Variants in GRIP1 observed in about 807,000 individuals in gnomAD.
GRIP1 encodes glutamate receptor-interacting protein 1.
In GRIP1, 45 loss-of-function variants were observed where a neutral mutation model predicts 129.9. That is an observed-to-expected ratio of 0.35 (90% CI 0.27 to 0.44). The LOEUF (loss-of-function observed/expected upper bound fraction) is 0.44. Ranked by LOEUF, GRIP1 falls within the 20% of genes least tolerant of loss-of-function variation. GRIP1 has a pLI of 1.00. For missense variants in GRIP1, 1,196 were observed against 1,396.8 expected (o/e 0.86, Z 2.29); for synonymous variants, 530 against 520.8 (o/e 1.02, Z -0.24).
intron 13 of GRIP1, among the ~76,000 whole-genome samples, chr12:66,439,043 G>T (rs1234461994): frequency 6.6e-6 from 1 of 152,230 alleles, no homozygotes; most frequent in African/African-American, 2.4e-5. Flanking sequence ...CTCTGAGCAT[G>T]TGACATTTGA....
intron 2 of GRIP1, 130 bp downstream of exon 2, chr12:66,596,717 G>A: frequency 1.4e-6 from 1 of 700,352 alleles, no homozygotes; most frequent in East Asian, 2.8e-5. Context: ...GTAGAATTCA[G>A]TCTATGCTCT....
intron 1 of GRIP1, among the ~76,000 whole-genome samples, chr12:66,752,207 G>GCTTAAA (rs755681594): frequency 0.037 from 5,574 of 152,272 alleles, 239 homozygotes; most frequent in African/African-American, 0.1. Context: ...TTAAGACACA[G>GCTTAAA]TGGAGGCTCT....
intron 1 of GRIP1, among the ~76,000 whole-genome samples, chr12:67,020,172 C>A (rs2042844561): frequency 6.6e-6 from 1 of 152,108 alleles, no homozygotes; most frequent in Admixed American, 6.6e-5. Context: ...CAAAGCAGAA[C>A]ATCACACTCC....
At chr12:66,575,429 GTTTA>G (rs1333698537) in intron 2 of GRIP1, among the ~76,000 whole-genome samples, 1 of 152,076 alleles carries the variant, frequency 6.6e-6, no homozygotes, top group Non-Finnish European at 1.5e-5. Context: ...AATTAGAAGT[GTTTA>G]TTTTTCGGTA....
chr12:66,522,699 GAGA>G (rs1285150449), intron 5 of GRIP1, among the ~76,000 whole-genome samples: 1 of 152,094 alleles, frequency 6.6e-6, no homozygotes, highest in East Asian at 1.9e-4. Flanking sequence ...GACAAGTTGA[GAGA>G]AGAAGACTTC....
At chr12:66,884,599 CA>C (rs1396513187) in intron 1 of GRIP1, among the ~76,000 whole-genome samples, 1 of 152,000 alleles carries the variant, frequency 6.6e-6, no homozygotes, top group Non-Finnish European at 1.5e-5. Flanking sequence ...TTACAAGAAA[CA>C]AAAGCCTTAA....
intron 1 of GRIP1, among the ~76,000 whole-genome samples, chr12:66,636,715 C>CTCTGTGTGTGTGTGTG (rs779418554): frequency 1.5e-4 from 22 of 145,108 alleles, no homozygotes; most frequent in African/African-American, 5.4e-4. Flanking sequence ...CATTAGATCT[C>CTCTGTGTGTGTGTGTG]TGTGTGTGTG....
At chr12:66,739,747 AT>A (rs1352037879) in intron 1 of GRIP1, among the ~76,000 whole-genome samples, 1 of 149,574 alleles carries the variant, frequency 6.7e-6, no homozygotes, top group Non-Finnish European at 1.5e-5. Context: ...CTAAAATAAA[AT>A]AAAAAAAAAA....
At chr12:66,651,453 A>T (rs2032787447) in intron 1 of GRIP1, among the ~76,000 whole-genome samples, 2 of 152,222 alleles carry the variant, frequency 1.3e-5, no homozygotes, top group Admixed American at 1.3e-4. Flanking sequence ...GATGTCATTT[A>T]GCTTTTTCCC....
intron 4 of GRIP1, among the ~76,000 whole-genome samples, chr12:66,535,133 C>T (rs1455179580): frequency 6.6e-6 from 1 of 152,150 alleles, no homozygotes; most frequent in Non-Finnish European, 1.5e-5. Context: ...CTGGAAACGC[C>T]TAGCTCTGAA....
intron 16 of GRIP1, among the ~76,000 whole-genome samples, chr12:66,403,569 G>C (rs1435154395): frequency 6.6e-6 from 1 of 152,076 alleles, no homozygotes; most frequent in East Asian, 1.9e-4. Context: ...GTCTGAATGA[G>C]TATATATTTC....
At chr12:66,401,619 C>T (rs370589133) in intron 16 of GRIP1, among the ~76,000 whole-genome samples, 38,865 of 86,220 alleles carry the variant, frequency 0.45, 7,433 homozygotes, top group Middle Eastern at 0.57. Flanking sequence ...TACACACACA[C>T]ACACACACAC....
chr12:66,726,080 ATG>A (rs1470372722), intron 1 of GRIP1, among the ~76,000 whole-genome samples: 1 of 152,172 alleles, frequency 6.6e-6, no homozygotes, highest in African/African-American at 2.4e-5. Flanking sequence ...AGGTGTGCAC[ATG>A]TGTCAGTGTG....
At chr12:66,612,482 G>C (rs1387267526) in intron 1 of GRIP1, among the ~76,000 whole-genome samples, 1 of 151,884 alleles carries the variant, frequency 6.6e-6, no homozygotes, top group African/African-American at 2.4e-5. Flanking sequence ...AACATAGGGG[G>C]ACCCTGAGTT....
chr12:66,858,903 T>C (rs961104650), intron 1 of GRIP1, among the ~76,000 whole-genome samples: 1 of 151,940 alleles, frequency 6.6e-6, no homozygotes, highest in Non-Finnish European at 1.5e-5. Context: ...TTTGTGGTTG[T>C]TGGTTATGGG....
chr12:66,894,938 C>T lies in GRIP1; in HGVS notation c.58+174112G>A, dbSNP rs149497887. ...CTCTCAGGGTCTTGCTGCCATCCTC[C>T]GGTCAGTGGTTGCCATGCTGCTGTG... On this transcript the variant is annotated intron_variant, in intron 1 of 1. Coordinates refer to the GRIP1 transcript ENST00000643019. Among the ~76,000 whole-genome samples the T allele has an allele frequency of 5.9e-4, 90 of 152,320 alleles. No homozygotes were observed. In the Middle Eastern group the frequency reaches 0.01, roughly 17 times the overall value.
At chr12:66,638,031 G>A (rs764103046) in intron 1 of GRIP1, among the ~76,000 whole-genome samples, 1 of 152,154 alleles carries the variant, frequency 6.6e-6, no homozygotes, top group Non-Finnish European at 1.5e-5. Context: ...ACTCCACATG[G>A]TGTATGTAAA....
chr12:66,681,611 CTA>C (rs1383367789), upstream of GRIP1, among the ~76,000 whole-genome samples: 1 of 152,092 alleles, frequency 6.6e-6, no homozygotes, highest in Non-Finnish European at 1.5e-5. Flanking sequence ...GCTCAGCTGT[CTA>C]GACAGTTCAA....
In GRIP1 at chr12:66,939,750, A is replaced by G. The variant is rs575031709; in HGVS notation, c.58+129300T>C. Among the ~76,000 whole-genome samples the G allele has an allele frequency of 2.6e-5, 4 of 152,314 alleles. No homozygotes were observed. In the East Asian group the frequency reaches 5.8e-4, roughly 22 times the overall value. ...TGGAGTTCTCTAGGTATCAAGGGAA[A>G]TATCTTAGAGTTCACAAATGTATTC... On this transcript the variant is annotated intron_variant, in intron 1 of 1. Transcript: ENST00000643019.
Sources: gnomAD v4.1 joint callset for allele counts (sites outside exome capture counted in the v4.1 genomes callset) on GRCh38, gnomAD v4.1.1 for gene constraint, MANE v1.5 for transcripts, NCBI Gene and HGNC (gene_info 2026-07-23, HGNC 2026-07-21) for gene names.